SIK3: variants seen among roughly 807,000 people sequenced by gnomAD.
SIK3 encodes SIK family kinase 3, also known as serine/threonine-protein kinase SIK3.
Under a neutral mutation model 144.2 loss-of-function variants are expected in SIK3, and 28 were observed. The observed-to-expected ratio is 0.19, with a 90% CI of 0.14 to 0.27. The LOEUF (loss-of-function observed/expected upper bound fraction) is 0.27. Ranked by LOEUF, SIK3 falls within the 10% of genes least tolerant of loss-of-function variation. SIK3 has a pLI of 1.00. For missense variants in SIK3, 1,319 were observed against 1,776.0 expected, an observed-to-expected ratio of 0.74 and a Z score of 4.62; for synonymous variants, 686 against 676.3, an observed-to-expected ratio of 1.01 and a Z score of -0.22.
At position 116,861,849 on chromosome 11, in the gene SIK3, C is replaced by T. The variant is rs764103160; in HGVS notation, c.2307G>A (p.Gln769=). The T allele has an allele frequency of 1.9e-6, 3 of 1,610,060 alleles. No homozygotes were observed. Among genetic ancestry groups the T allele is most frequent in the Admixed American group, 3.3e-5 (2 of 59,780 alleles). The part of the protein sequence containing the change: ...CENQPALLTH[Q]LQRLRIQPSS... ...CACAAAATGACTCATACCTCTGGAG[C>T]TGATGGGTAAGGAGGGCTGGCTGAT... Residue 769 remains glutamine, a synonymous_variant, in exon 18 of 25, where the codon CAG becomes CAA. Transcript: ENST00000445177.
intron 1 of SIK3, among the ~76,000 whole-genome samples, chr11:117,032,377 T>A (rs7924959): frequency 0.045 from 6,883 of 152,288 alleles, 514 homozygotes; most frequent in African/African-American, 0.16. Context: ...AAGTCCTATA[T>A]ACGTTTTGTT....
intron 1 of SIK3, among the ~76,000 whole-genome samples, chr11:117,045,228 G>A (rs763663645): frequency 8.5e-5 from 13 of 152,114 alleles, no homozygotes; most frequent in East Asian, 1.9e-4. Flanking sequence ...ACCTCTGTTC[G>A]CCAGCCAAAG....
At chr11:117,038,089 A>G (rs1347625953) in intron 1 of SIK3, among the ~76,000 whole-genome samples, 8 of 152,156 alleles carry the variant, frequency 5.3e-5, no homozygotes, top group Non-Finnish European at 8.8e-5. Context: ...TTTGCACTAG[A>G]TAAGTGAATT....
At chr11:117,092,914 T>C (rs548869056) in intron 1 of SIK3, among the ~76,000 whole-genome samples, 1 of 152,300 alleles carries the variant, frequency 6.6e-6, no homozygotes, top group South Asian at 2.1e-4. Context: ...TATGACTTTC[T>C]AGGGAGCTGG....
chr11:116,916,871 G>A (rs1946671772), intron 4 of SIK3, among the ~76,000 whole-genome samples: 1 of 151,924 alleles, frequency 6.6e-6, no homozygotes, highest in Non-Finnish European at 1.5e-5. Flanking sequence ...TTGGGAGGCT[G>A]AGGCAGGAAG....
intron 1 of SIK3, among the ~76,000 whole-genome samples, chr11:117,049,605 A>AGAAAAG (rs1390383055): frequency 6.6e-6 from 1 of 152,144 alleles, no homozygotes; most frequent in Admixed American, 6.6e-5. Flanking sequence ...GAAGCAAGGA[A>AGAAAAG]GAAAAGGAAA....
rs760997905 is a variant in SIK3, at chr11:116,927,338, C to A, written c.497G>T (p.Arg166Leu). The A allele has an allele frequency of 3.1e-6, 5 of 1,613,888 alleles. No homozygotes were observed. In the African/African-American group the frequency reaches 4.0e-5, roughly 13 times the overall value. The change falls in exon 4 of 25, where the codon CGT becomes CTT. Residue 166 changes from arginine (R) to leucine (L), a missense_variant. Around this residue, in one of 8 missense-constraint regions of SIK3, gnomAD observed 125 missense variants for 285.2 expected, o/e 0.44. Transcript: ENST00000445177. ...TGTGACGATCTGTTTGAACTTCCGA[C>A]GTGCCTCCTTTTCTGCCATTCTACC... is the stretch of plus-strand genomic sequence containing the variant. ...AHGRMAEKEA[R>L]RKFKQIVTAV...
intron 1 of SIK3, chr11:117,016,069 T>C (rs1006490920): frequency 3.9e-5 from 6 of 152,002 alleles, no homozygotes; most frequent in African/African-American, 1.5e-4. Flanking sequence ...TTCACATCTG[T>C]AATCCCAACA....
chr11:116,977,798 A>G (rs1015163541), intron 1 of SIK3, among the ~76,000 whole-genome samples: 1 of 152,236 alleles, frequency 6.6e-6, no homozygotes, highest in Non-Finnish European at 1.5e-5. Context: ...GAATTCTCCT[A>G]GTTTCATCTT....
chr11:116,910,081 A>G (rs1427054830), intron 4 of SIK3, among the ~76,000 whole-genome samples: 1 of 152,168 alleles, frequency 6.6e-6, no homozygotes, highest in African/African-American at 2.4e-5. Context: ...TATTAGTCAC[A>G]TGATTGAAAA....
At chr11:117,032,687 T>A (rs2135806353) in intron 1 of SIK3, among the ~76,000 whole-genome samples, 1 of 151,730 alleles carries the variant, frequency 6.6e-6, no homozygotes, top group Admixed American at 6.6e-5. Context: ...TTTTTTTTTT[T>A]TTTAAAAGAG....
chr11:116,889,810 T>C (rs1317311634), intron 6 of SIK3, among the ~76,000 whole-genome samples: 1 of 152,174 alleles, frequency 6.6e-6, no homozygotes. Flanking sequence ...GGTGGGAGGA[T>C]GGCTTGGGCC....
chr11:116,912,619 T>C (rs1375272488), intron 4 of SIK3, among the ~76,000 whole-genome samples: 2 of 152,158 alleles, frequency 1.3e-5, no homozygotes. Flanking sequence ...TTCCTTGCTG[T>C]ATAAGTAAAC....
intron 1 of SIK3, among the ~76,000 whole-genome samples, chr11:117,059,351 G>C (rs1429782297): frequency 6.6e-6 from 1 of 152,158 alleles, no homozygotes; most frequent in East Asian, 1.9e-4. Flanking sequence ...ACACTATAAA[G>C]AATGTGTTTT....
At chr11:117,028,864 C>T (rs12289032) in intron 1 of SIK3, among the ~76,000 whole-genome samples, 10,989 of 152,132 alleles carry the variant, frequency 0.072, 490 homozygotes, top group Middle Eastern at 0.11. Flanking sequence ...TGCTGACATG[C>T]ATGCATTAAA....
intron 1 of SIK3, among the ~76,000 whole-genome samples, chr11:117,011,835 T>C (rs1335955496): frequency 6.6e-6 from 1 of 151,996 alleles, no homozygotes; most frequent in African/African-American, 2.4e-5. Context: ...TAATTAGGCA[T>C]GGTGGCAGTA....
chr11:117,010,581 T>C (rs2135675853), intron 1 of SIK3, among the ~76,000 whole-genome samples: 2 of 152,244 alleles, frequency 1.3e-5, no homozygotes, highest in South Asian at 4.1e-4. Flanking sequence ...TATCAGGCTG[T>C]ATGGCCACCA....
At chr11:116,960,367 A>T (rs947544672) in intron 1 of SIK3, among the ~76,000 whole-genome samples, 14 of 152,148 alleles carry the variant, frequency 9.2e-5, no homozygotes, top group African/African-American at 3.4e-4. Context: ...CTCTACAAAA[A>T]ATAAAAAAAT....
intron 6 of SIK3, among the ~76,000 whole-genome samples, chr11:116,882,019 C>T (rs944145698): frequency 6.6e-6 from 1 of 152,150 alleles, no homozygotes; most frequent in Non-Finnish European, 1.5e-5. Flanking sequence ...CTAAAATAAA[C>T]ACATTATTGG....
Sources: allele counts gnomAD v4.1 joint callset (sites outside exome capture counted in the v4.1 genomes callset), GRCh38; gene constraint gnomAD v4.1.1; regional missense constraint gnomAD v4.1.1; transcripts MANE v1.5; gene names NCBI Gene and HGNC (gene_info 2026-07-23, HGNC 2026-07-21).